PRDM8: variants seen among roughly 807,000 people sequenced by gnomAD.
The protein encoded by PRDM8 is PR domain zinc finger protein 8.
PRDM8 carries 13 observed loss-of-function variants against 46.5 expected under a neutral mutation model. The observed-to-expected ratio is 0.28, with a 90% CI of 0.18 to 0.44. The LOEUF is 0.44. PRDM8 is among the 20% of genes least tolerant of loss of function. PRDM8 has a pLI of 1.00. For missense variants in PRDM8, 998 were observed against 955.0 expected (o/e 1.04, Z -0.59); for synonymous variants, 473 against 438.4 (o/e 1.08, Z -0.98).
At chr4:80,200,476 T>C (rs928356031) in intron 2 of PRDM8, among the ~76,000 whole-genome samples, 177 bp downstream of exon 2, 1 of 152,260 alleles carries the variant, frequency 6.6e-6, no homozygotes, top group Non-Finnish European at 1.5e-5. Flanking sequence ...CAAATTATTG[T>C]CAACTGATTT....
In PRDM8 at chr4:80,187,250, G is replaced by A. The variant is rs568688574; in HGVS notation, c.-983+1732G>A. On this transcript the variant is annotated intron_variant, in intron 1 of 9. Coordinates refer to the PRDM8 transcript ENST00000339711. ...GTATCAGCATTCTCTGCCCTGGGGCGGGGGGAAGCAGAAGAATATCATCTT... is the reference window on the plus strand; with the variant it reads ...GTATCAGCATTCTCTGCCCTGGGGCAGGGGGAAGCAGAAGAATATCATCTT... Among the ~76,000 whole-genome samples, 255 of 140,220 alleles carry A rather than the reference G, an allele frequency of 1.8e-3. 32 individuals are homozygous for A. The highest frequency in any genetic ancestry group is 3.1e-3 in the Non-Finnish European group (199 of 63,242). The allele number at this position is 140,220 out of a possible 152,430, so 92.0% of individuals were successfully genotyped here.
chr4:80,202,650 C>T lies in PRDM8; in HGVS notation c.1188C>T (p.Ala396=). The change falls in exon 4 of 4, where the codon GCC becomes GCT. Residue 396 remains alanine, a synonymous_variant. Transcript: ENST00000415738. ...AGGTGAAGAAGGCTGCCCGCGCGGC[C>T]AGCCTGCAGGAGGAGGGGACAGCCG... ...FVEVKKAARA[A]SLQEEGTADG... is the part of the protein sequence containing the mutation. 1 of 1,504,746 alleles carries T rather than the reference C, an allele frequency of 6.6e-7. No homozygotes were observed. The highest frequency in any genetic ancestry group is 1.2e-5 in the South Asian group (1 of 80,592). The allele number at this position is 1,504,746 out of a possible 1,614,324, so 93.2% of individuals were successfully genotyped here. A position where few individuals can be genotyped will look rare whatever the true frequency, so the allele number is the denominator to read the frequency against.
upstream of PRDM8, chr4:80,197,408 C>A (rs41279283): frequency 0.073 from 71,685 of 981,252 alleles, 2,778 homozygotes; most frequent in Non-Finnish European, 0.08. Context: ...GAGCGCCTGG[C>A]CCAGCAAAGA....
chr4:80,187,476 A>G (rs972809490), intron 1 of PRDM8, among the ~76,000 whole-genome samples: 4 of 152,176 alleles, frequency 2.6e-5, no homozygotes, highest in African/African-American at 9.7e-5. Context: ...CTACTTTGAA[A>G]GGGTCTGAGC....
upstream of PRDM8, chr4:80,196,227 G>T: frequency 1.1e-6 from 1 of 928,484 alleles, no homozygotes; most frequent in Non-Finnish European, 1.3e-6. Flanking sequence ...CTCCACTTTA[G>T]CTAGCTACAC....
upstream of PRDM8, chr4:80,196,065 CAAT>C (rs1044039895): frequency 2.0e-6 from 2 of 985,140 alleles, no homozygotes; most frequent in African/African-American, 3.5e-5. Context: ...GTCAAAGCCT[CAAT>C]ACCCCACTGA....
At chr4:80,188,915 AG>A (rs1248757725) in intron 1 of PRDM8, among the ~76,000 whole-genome samples, 3 of 152,228 alleles carry the variant, frequency 2.0e-5, no homozygotes, top group Non-Finnish European at 4.4e-5. Flanking sequence ...GAGTGAGGGC[AG>A]CCACGGGGGG....
intron 1 of PRDM8, among the ~76,000 whole-genome samples, chr4:80,191,126 C>T (rs1447724044): frequency 2.0e-4 from 30 of 152,190 alleles, no homozygotes; most frequent in Admixed American, 2.0e-3. Context: ...CAAAAAAGAG[C>T]ACTGGCTACT....
At position 80,202,628 on chromosome 4, in the gene PRDM8, TGAA is replaced by T. The variant is rs904587436; in HGVS notation, c.1171_1173del (p.Lys391del). ...GCGAAGCGCAGCGCCTTCGTGGAGG[TGAA>T]GAAGGCTGCCCGCGCGGCCAGCCTG... On this transcript the variant is annotated inframe_deletion, in exon 4 of 4. Coordinates refer to ENST00000415738, the MANE Select transcript of PRDM8 (RefSeq NM_001099403.2). 11 of 1,518,330 alleles carry T rather than the reference TGAA, an allele frequency of 7.2e-6. No individual in the cohort carries two copies. In the African/African-American group the frequency reaches 1.3e-4, roughly 18 times the overall value. 94.1% of individuals were successfully genotyped at this position (1,518,330 alleles called of 1,614,324 possible).
chr4:80,197,235 C>T, upstream of PRDM8: 1 of 985,338 alleles, frequency 1.0e-6, no homozygotes, highest in Non-Finnish European at 1.2e-6. Flanking sequence ...CTTTCCAATC[C>T]TGAAACGATT....
intron 2 of PRDM8, among the ~76,000 whole-genome samples, chr4:80,192,266 G>A (rs1240965000): frequency 6.6e-6 from 1 of 152,172 alleles, no homozygotes. Context: ...TATATATGCT[G>A]TGTGTCTATC....
chr4:80,200,349 GAAAT>G, intron 2 of PRDM8, 50 bp downstream of exon 2: 1 of 1,474,688 alleles, frequency 6.8e-7, no homozygotes, highest in Non-Finnish European at 9.4e-7. Flanking sequence ...TGTCCTGTTG[GAAAT>G]GGACTAAAAA....
At chr4:80,189,493 C>T (rs761475380) in intron 1 of PRDM8, among the ~76,000 whole-genome samples, 1 of 152,156 alleles carries the variant, frequency 6.6e-6, no homozygotes, top group African/African-American at 2.4e-5. Context: ...TTCCATTTCT[C>T]CCTAGAAACT....
chr4:80,203,229 T>G lies in PRDM8; in HGVS notation c.1767T>G (p.Ala589=). 1 of 1,555,364 alleles carries G rather than the reference T, an allele frequency of 6.4e-7. No individual in the cohort carries two copies. The highest frequency in any genetic ancestry group is 8.7e-7 in the Non-Finnish European group (1 of 1,151,882). Residue 589 remains alanine, a synonymous_variant, in exon 4 of 4, where the codon GCT becomes GCG. Coordinates refer to ENST00000415738, the MANE Select transcript of PRDM8 (RefSeq NM_001099403.2). ...TAFWPKSSAA[A]AAAAAAAAAG... ...TCTGGCCCAAGAGCTCCGCTGCCGC[T>G]GCAGCCGCGGCTGCGGCGGCGGCCG...
chr4:80,191,240 T>A lies in PRDM8; in HGVS notation c.-982-232T>A, dbSNP rs78998315. Among the ~76,000 whole-genome samples the A allele has an allele frequency of 7.7e-3, 1,173 of 152,302 alleles. 16 individuals carry two copies. Among genetic ancestry groups the A allele is most frequent in the African/African-American group, 0.027 (1,129 of 41,556 alleles). ...CTTCTTAAACACACACCCATACCCA[T>A]ATATGCATAGAGGACAATTTCTGCT... On this transcript the variant is annotated intron_variant, in intron 1 of 9. Coordinates refer to the PRDM8 transcript ENST00000339711.
chr4:80,196,718 GA>G (rs557092448), upstream of PRDM8: 100 of 897,772 alleles, frequency 1.1e-4, 1 homozygote, highest in East Asian at 1.3e-3. Context: ...CAGAGGGGGG[GA>G]AAAACCCCAC....
intron 1 of PRDM8, among the ~76,000 whole-genome samples, chr4:80,188,991 C>G (rs749461013): frequency 1.2e-4 from 18 of 152,168 alleles, no homozygotes; most frequent in Non-Finnish European, 2.5e-4. Flanking sequence ...TCAGTTACCT[C>G]GTCCTGCCAA....
chr4:80,188,483 A>T lies in PRDM8; in HGVS notation c.-983+2965A>T, dbSNP rs558534087. On this transcript the variant is annotated intron_variant, in intron 1 of 9. Transcript: ENST00000339711. Reference sequence around the variant, plus strand: ...CCAGGCTTCATAACCACTCTATGAGATAGATGTTGTCTTTACTATTTTACA... The same window carrying T: ...CCAGGCTTCATAACCACTCTATGAGTTAGATGTTGTCTTTACTATTTTACA... 3.9e-5 allele frequency among the ~76,000 whole-genome samples: 6 copies of T among 152,326 alleles called. No individual in the cohort carries two copies. The East Asian group carries it at 7.7e-4, about 20-fold the overall frequency.
chr4:80,200,077 A>T lies in PRDM8; in HGVS notation c.-2-2A>T, dbSNP rs753331406. The T allele has an allele frequency of 1.2e-6, 2 of 1,610,222 alleles. No homozygotes were observed. The highest frequency in any genetic ancestry group is 2.2e-5 in the East Asian group (1 of 44,850). ...TTTCTTGTGCTGTGTGTCTATCTCCAGTGATGGAGGATACTGGCATCCAGC... is the reference window on the plus strand; with the variant it reads ...TTTCTTGTGCTGTGTGTCTATCTCCTGTGATGGAGGATACTGGCATCCAGC... On this transcript the variant is annotated splice_acceptor_variant, in intron 1 of 3. Transcript: ENST00000415738. LOFTEE classifies it low-confidence loss of function (5UTR_SPLICE).
Sources: gnomAD v4.1 joint callset for allele counts (sites outside exome capture counted in the v4.1 genomes callset) on GRCh38, gnomAD v4.1.1 for gene constraint, MANE v1.5 for transcripts, NCBI Gene and HGNC (gene_info 2026-07-23, HGNC 2026-07-21) for gene names.